The following PRRC2B variants were observed in gnomAD, a reference collection of about 807,000 sequenced individuals.
PRRC2B encodes the protein protein PRRC2B.
A neutral mutation model predicts 242.3 loss-of-function variants in PRRC2B; 68 were observed. That is an observed-to-expected ratio of 0.28 (90% CI 0.23 to 0.34). The LOEUF is 0.34. PRRC2B is among the 10% of genes least tolerant of loss of function. PRRC2B has a pLI of 1.00. For missense variants in PRRC2B, 2,835 were observed against 2,954.8 expected (o/e 0.96, Z 0.94); for synonymous variants, 1,228 against 1,173.6 (o/e 1.05, Z -0.95).
intron 19 of PRRC2B, among the ~76,000 whole-genome samples, chr9:131,481,126 C>G (rs985306237): frequency 6.6e-6 from 1 of 151,558 alleles, no homozygotes; most frequent in South Asian, 2.1e-4. Flanking sequence ...ATGGTGAAAC[C>G]CCGTCGCTCC....
At chr9:131,478,080 T>A in intron 17 of PRRC2B, 131 bp downstream of exon 17, 1 of 753,178 alleles carries the variant, frequency 1.3e-6, no homozygotes, top group African/African-American at 1.7e-5. Context: ...GGCCCTGGGC[T>A]GGGTTCTGGG....
intron 2 of PRRC2B, 145 bp downstream of exon 2, chr9:131,430,404 T>C: frequency 1.8e-6 from 1 of 556,326 alleles, no homozygotes; most frequent in South Asian, 2.7e-5. Flanking sequence ...CTCTACTTCC[T>C]ACTTGAGGTA....
chr9:131,488,169 G>T, intron 28 of PRRC2B, 73 bp downstream of exon 28: 1 of 1,519,916 alleles, frequency 6.6e-7, no homozygotes, highest in Non-Finnish European at 8.8e-7. Context: ...CTTTTCACCC[G>T]CCTCTCAGTG....
At position 131,438,999 on chromosome 9, in the gene PRRC2B, C is replaced by T. The variant is rs765372653; in HGVS notation, c.407C>T (p.Ser136Leu). The T allele has an allele frequency of 6.2e-6, 10 of 1,612,828 alleles. No homozygotes were observed. The South Asian group carries it at 8.8e-5, about 14-fold the overall frequency. ...TCTTCCTTCTTTCAGAATACAAATT[C>T]AGTGCCAGGTGGACCAAAGTCATGG... ...TQSISQENTN[S>L]VPGGPKSWAQ... The change falls in exon 5 of 32, where the codon TCA becomes TTA. Residue 136 changes from serine to leucine, a missense_variant. Coordinates refer to ENST00000683519, the MANE Select transcript of PRRC2B (RefSeq NM_013318.4).
In PRRC2B at chr9:131,475,880, A is replaced by G. The variant is rs1452246793; in HGVS notation, c.3751A>G (p.Thr1251Ala). 2 of 1,613,750 alleles carry G rather than the reference A, an allele frequency of 1.2e-6. No homozygotes were observed. The highest frequency in any genetic ancestry group is 1.3e-5 in the African/African-American group (1 of 74,918). Residue 1251 changes from threonine (T) to alanine (A), a missense_variant, in exon 16 of 32, where the codon ACA becomes GCA. By Grantham distance (58) the Thr-to-Ala change is moderately conservative. Transcript: ENST00000683519. ...PSDTCGSRRP[T>A]DRDYVPDSYR... is the part of the protein sequence containing the mutation. ...CGACACATGCGGATCCCGGCGACCTACAGACAGAGACTATGTCCCAGATTC... is the reference window on the plus strand; with the variant it reads ...CGACACATGCGGATCCCGGCGACCTGCAGACAGAGACTATGTCCCAGATTC...
intron 29 of PRRC2B, 64 bp from the exon 30 acceptor site, chr9:131,492,105 A>T: frequency 7.9e-7 from 1 of 1,269,364 alleles, no homozygotes; most frequent in Non-Finnish European, 1.2e-6. Context: ...GTTGTTCAGT[A>T]AGTGTGTGGT....
upstream of PRRC2B, among the ~76,000 whole-genome samples, chr9:131,389,916 T>G (rs1387354745): frequency 1.9e-5 from 2 of 107,336 alleles, no homozygotes; most frequent in Non-Finnish European, 4.0e-5. Context: ...AACATGGTTG[T>G]TTTTTTTTTT....
chr9:131,426,240 A>G (rs1316578921), intron 1 of PRRC2B, among the ~76,000 whole-genome samples: 1 of 149,886 alleles, frequency 6.7e-6, no homozygotes, highest in Non-Finnish European at 1.5e-5. Flanking sequence ...CAGGAGGCTG[A>G]CACAGGAGAA....
chr9:131,408,732 T>G (rs1423069014), intron 1 of PRRC2B, among the ~76,000 whole-genome samples: 1 of 152,130 alleles, frequency 6.6e-6, no homozygotes, highest in East Asian at 1.9e-4. Context: ...TTTTTTTTTT[T>G]TTTGAGACAG....
upstream of PRRC2B, among the ~76,000 whole-genome samples, chr9:131,392,327 G>A (rs1335534664): frequency 2.0e-5 from 3 of 151,720 alleles, no homozygotes; most frequent in Non-Finnish European, 4.4e-5. Flanking sequence ...TTGAACTCCT[G>A]ACCGCATGAT....
intron 1 of PRRC2B, among the ~76,000 whole-genome samples, chr9:131,376,030 C>T (rs2131260627): frequency 8.4e-6 from 1 of 119,526 alleles, no homozygotes; most frequent in East Asian, 2.3e-4. Flanking sequence ...GCCTGAGCAA[C>T]AGAGTGAGAC....
At chr9:131,468,392 T>C (rs1943453021) in intron 13 of PRRC2B, among the ~76,000 whole-genome samples, 1 of 152,254 alleles carries the variant, frequency 6.6e-6, no homozygotes, top group African/African-American at 2.4e-5. Flanking sequence ...GAGTGTTTCA[T>C]GCCATATCGC....
At chr9:131,480,391 G>T (rs983898598) in intron 19 of PRRC2B, among the ~76,000 whole-genome samples, 1 of 152,226 alleles carries the variant, frequency 6.6e-6, no homozygotes, top group Non-Finnish European at 1.5e-5. Context: ...ATTTGGTAGT[G>T]GCTGAGTGAC....
chr9:131,405,576 C>T (rs1837340219), intron 1 of PRRC2B, among the ~76,000 whole-genome samples: 1 of 152,132 alleles, frequency 6.6e-6, no homozygotes, highest in Non-Finnish European at 1.5e-5. Flanking sequence ...TTAGTTCTTC[C>T]AGGAGATCAC....
Position 131,420,445 on chromosome 9 carries a change from C to CTT in PRRC2B, c.-51-9645_-51-9644dup. 8.9e-5 allele frequency among the ~76,000 whole-genome samples: 11 copies of CTT among 123,440 alleles called. 1 individual carries two copies. Among genetic ancestry groups the CTT allele is most frequent in the South Asian group, 5.7e-4 (2 of 3,522 alleles). 81.0% of individuals were successfully genotyped at this position (123,440 alleles called of 152,430 possible). ...ACCTCTGCTTTTCTTTTTTCTTTTT[C>CTT]TTTTTCTTTTTCTTTCTTTCTTTCT... On this transcript the variant is annotated intron_variant, in intron 1 of 31. Coordinates refer to ENST00000683519, the MANE Select transcript of PRRC2B (RefSeq NM_013318.4).
At chr9:131,375,832 T>G (rs1836676385) in intron 1 of PRRC2B, among the ~76,000 whole-genome samples, 1 of 151,886 alleles carries the variant, frequency 6.6e-6, no homozygotes, top group African/African-American at 2.4e-5. Flanking sequence ...AAGACCAGCC[T>G]GAGGTCAGGA....
At chr9:131,381,457 C>T (rs1160231872) in intron 1 of PRRC2B, among the ~76,000 whole-genome samples, 3 of 145,442 alleles carry the variant, frequency 2.1e-5, no homozygotes, top group Middle Eastern at 7.4e-3. Context: ...CTTGCTCTGT[C>T]CCCCAGGCTG....
intron 1 of PRRC2B, among the ~76,000 whole-genome samples, chr9:131,406,048 C>G (rs1352721151): frequency 1.3e-5 from 2 of 152,210 alleles, no homozygotes; most frequent in African/African-American, 4.8e-5. Context: ...ACAGCAGGCT[C>G]TCCATAGACC....
intron 1 of PRRC2B, among the ~76,000 whole-genome samples, chr9:131,387,337 A>G (rs939499777): frequency 6.7e-6 from 1 of 149,796 alleles, no homozygotes; most frequent in African/African-American, 2.4e-5. Flanking sequence ...TGCCTGTTTT[A>G]TGTTCCGTGG....
Sources: allele counts gnomAD v4.1 joint callset (sites outside exome capture counted in the v4.1 genomes callset), GRCh38; gene constraint gnomAD v4.1.1; transcripts MANE v1.5; gene names NCBI Gene and HGNC (gene_info 2026-07-23, HGNC 2026-07-21).